CTAGE1: variants seen among roughly 807,000 people sequenced by gnomAD.
CTAGE1 encodes cutaneous T cell lymphoma-associated antigen 1, also known as cTAGE family member 2.
For missense variants in CTAGE1, 963 were observed against 855.9 expected (o/e 1.13, Z -1.56); for synonymous variants, 332 against 302.8 (o/e 1.10, Z -1.00).
Position 22,415,506 on chromosome 18 carries a change from C to T in CTAGE1, c.*68G>A, listed in dbSNP as rs561341105. On this transcript the variant is annotated 3_prime_UTR_variant, in exon 1 of 1. Coordinates refer to ENST00000391403, the MANE Select transcript of CTAGE1 (RefSeq NM_172241.3). ...AACATGTTGTTAGGTTTCTTGCTGTCGTTCTGGATGTTCAGCAGCAGGCTC... is the reference window on the plus strand; with the variant it reads ...AACATGTTGTTAGGTTTCTTGCTGTTGTTCTGGATGTTCAGCAGCAGGCTC... 3 of 1,289,848 alleles carry T rather than the reference C, an allele frequency of 2.3e-6. No individual in the cohort carries two copies. Among genetic ancestry groups the T allele is most frequent in the African/African-American group, 1.5e-5 (1 of 67,002 alleles). The allele number at this position is 1,289,848 out of a possible 1,614,324, so 79.9% of individuals were successfully genotyped here. A position where few individuals can be genotyped will look rare whatever the true frequency, so the allele number is the denominator to read the frequency against.
At position 22,416,761 on chromosome 18, in the gene CTAGE1, T is replaced by C. The variant is rs370267319; in HGVS notation, c.1051A>G (p.Lys351Glu). The C allele has an allele frequency of 3.1e-6, 5 of 1,612,506 alleles. No individual in the cohort carries two copies. Among genetic ancestry groups the C allele is most frequent in the Non-Finnish European group, 4.2e-6 (5 of 1,179,740 alleles). The change falls in exon 1 of 1, where the codon AAA becomes GAA. Residue 351 changes from lysine (K) to glutamate (E), a missense_variant. Coordinates refer to ENST00000391403, the MANE Select transcript of CTAGE1 (RefSeq NM_172241.3). ...FESENQKLQQ[K>E]LKVMTELYQE... ...TATAATTCAGTCATTACTTTAAGTT[T>C]CTGCTGAAGCTTCTGATTCTCACTT...
chr18:22,417,681 C>G lies in CTAGE1; in HGVS notation c.131G>C (p.Arg44Thr). The stretch of plus-strand genomic sequence containing the variant: ...AAGTGCCACAGCAAACTTTTTCTCT[C>G]TTCTCACATAAAGCCGACTCGTAAC... ...RSVTSRLYVR[R>T]EKKFAVALSG... The change falls in exon 1 of 1, where the codon AGA (arginine) becomes ACA (threonine). Residue 44 changes from arginine to threonine, a missense_variant. Physicochemically the swap from Arg to Thr is moderately conservative, Grantham distance 71. Coordinates refer to ENST00000391403, the MANE Select transcript of CTAGE1 (RefSeq NM_172241.3). The G allele has an allele frequency of 6.2e-7, 1 of 1,614,072 alleles. No homozygotes were observed. Among genetic ancestry groups the G allele is most frequent in the Non-Finnish European group, 8.5e-7 (1 of 1,179,922 alleles).
rs553263175 is a variant in CTAGE1 at position 22,416,013 on chromosome 18, C to T, written c.1799G>A (p.Cys600Tyr). 6.2e-7 allele frequency: 1 copy of T among 1,613,922 alleles called. No homozygotes were observed. The part of the protein sequence containing the change: ...PQRQDRFYSN[C>Y]ARLSGPAELR... ...TTCTGCTGGTCCAGAGAGTCTAGCA[C>T]AATTAGAATAAAATCTGTCTTGCCT... is the stretch of plus-strand genomic sequence containing the variant. The change falls in exon 1 of 1, where the codon TGT becomes TAT. Residue 600 changes from cysteine (C) to tyrosine (Y), a missense_variant. Cys to Tyr is a radical substitution (Grantham distance 194). Coordinates refer to ENST00000391403, the MANE Select transcript of CTAGE1 (RefSeq NM_172241.3).
rs770209006 is a variant in CTAGE1 at position 22,417,541 on chromosome 18, C to T, written c.271G>A (p.Ala91Thr). Reference protein sequence around the residue: ...SLKNASFEKEATEAQSLEATC... With the variant: ...SLKNASFEKETTEAQSLEATC... ...GCCTCCAAACTTTGTGCTTCTGTTG[C>T]CTCCTTCTCAAAGCTGGCATTCTTT... The change falls in exon 1 of 1, where the codon GCA becomes ACA. Residue 91 changes from alanine (A) to threonine (T), a missense_variant. Ala to Thr is a moderately conservative substitution (Grantham distance 58). Transcript: ENST00000391403. 1 of 1,613,820 alleles carries T rather than the reference C, an allele frequency of 6.2e-7. No individual in the cohort carries two copies. The highest frequency in any genetic ancestry group is 8.5e-7 in the Non-Finnish European group (1 of 1,179,874).
In CTAGE1 at chr18:22,417,415, T is replaced by C. The variant is rs747386412; in HGVS notation, c.397A>G (p.Asn133Asp). Residue 133 changes from asparagine to aspartate, a missense_variant, in exon 1 of 1, where the codon AAT (asparagine) becomes GAT (aspartate). Transcript: ENST00000391403. The stretch of plus-strand genomic sequence containing the variant: ...TTGGAAATATCCGCCATCAATTCAT[T>C]TTGTTCAGAATGTTTAGATTTCTCT... ...KEEKSKHSEQ[N>D]ELMADISKRI... The C allele has an allele frequency of 1.9e-6, 3 of 1,613,996 alleles. No homozygotes were observed. Among genetic ancestry groups the C allele is most frequent in the African/African-American group, 2.7e-5 (2 of 75,062 alleles).
In CTAGE1 at chr18:22,415,643, A is replaced by T. The variant is rs772756882; in HGVS notation, c.2169T>A (p.Tyr723Ter). The T allele has an allele frequency of 1.2e-6, 2 of 1,614,158 alleles. No homozygotes were observed. The highest frequency in any genetic ancestry group is 3.3e-5 in the Admixed American group (2 of 60,004). ...PRAPFAMRNV[Y>*]LPRGFLPYRP... ...GGTAAGGAAGAAAACCTCTCGGTAA[A>T]TAGACATTTCTCATTGCAAATGGAG... Residue 723 changes from tyrosine (Y) to a stop codon, truncating the protein, a stop_gained, in exon 1 of 1, where the codon TAT becomes TAA. Coordinates refer to ENST00000391403, the MANE Select transcript of CTAGE1 (RefSeq NM_172241.3). LOFTEE classifies it low-confidence loss of function (END_TRUNC).
In CTAGE1 at chr18:22,416,526, G is replaced by A; in HGVS notation, c.1286C>T (p.Ala429Val). 1 of 1,613,078 alleles carries A rather than the reference G, an allele frequency of 6.2e-7. No homozygotes were observed. Among genetic ancestry groups the A allele is most frequent in the Non-Finnish European group, 8.5e-7 (1 of 1,179,680 alleles). The change falls in exon 1 of 1, where the codon GCA (alanine) becomes GTA (valine). Residue 429 changes from alanine to valine, a missense_variant. Ala to Val is a moderately conservative substitution (Grantham distance 64). Transcript: ENST00000391403. ...CCAAGCTGCCGACCAATTATCATGT[G>A]CTTTTTTCTCATGGAGAATAATCTT... ...QKKIILHEKK[A>V]HDNWSAAWTA...
rs1044586751 is a variant in CTAGE1, at chr18:22,415,249, A to G, written c.*325T>C. ...AGATTACATATATAAAGCTCCCACC[A>G]TTCTTTATATAATAGTGGATTAATC... On this transcript the variant is annotated 3_prime_UTR_variant, in exon 1 of 1. Transcript: ENST00000391403. The G allele has an allele frequency of 3.8e-6, 1 of 261,010 alleles. No homozygotes were observed. The highest frequency in any genetic ancestry group is 7.2e-6 in the Non-Finnish European group (1 of 139,638). 16.2% of individuals were successfully genotyped at this position (261,010 alleles called of 1,614,324 possible). A position where few individuals can be genotyped will look rare whatever the true frequency, so the allele number is the denominator to read the frequency against.
chr18:22,417,013 T>G lies in CTAGE1; in HGVS notation c.799A>C (p.Ser267Arg). The change falls in exon 1 of 1, where the codon AGT (serine) becomes CGT (arginine). Residue 267 changes from serine (S) to arginine (R), a missense_variant. Ser to Arg is a moderately radical substitution (Grantham distance 110). Coordinates refer to ENST00000391403, the MANE Select transcript of CTAGE1 (RefSeq NM_172241.3). ...DDDNLELEMN[S>R]ESEDGAYLDN... is the part of the protein sequence containing the mutation. ...AAGTAAGCACCATCTTCCGATTCACTGTTCATTTCTAATTCCAAGTTATCA... is the reference window on the plus strand; with the variant it reads ...AAGTAAGCACCATCTTCCGATTCACGGTTCATTTCTAATTCCAAGTTATCA... 6.2e-7 allele frequency: 1 copy of G among 1,614,066 alleles called. No homozygotes were observed. The highest frequency in any genetic ancestry group is 8.5e-7 in the Non-Finnish European group (1 of 1,179,914).
Position 22,414,878 on chromosome 18 carries a change from A to G in CTAGE1, c.*696T>C. On this transcript the variant is annotated 3_prime_UTR_variant, in exon 1 of 1. Transcript: ENST00000391403. Reference sequence around the variant, plus strand: ...ATAGGAAGAAATTAGCTTAGGGAAGACGAAGGGAAGGAAAGGGAGGGCGAA... The same window carrying G: ...ATAGGAAGAAATTAGCTTAGGGAAGGCGAAGGGAAGGAAAGGGAGGGCGAA... 1 of 688,022 alleles carries G rather than the reference A, an allele frequency of 1.5e-6. No homozygotes were observed. The highest frequency in any genetic ancestry group is 2.6e-6 in the Non-Finnish European group (1 of 380,134). The allele number at this position is 688,022 out of a possible 1,614,324, so 42.6% of individuals were successfully genotyped here.
rs775789770 is a variant in CTAGE1 at position 22,416,403 on chromosome 18, T to C, written c.1409A>G (p.Asp470Gly). Residue 470 changes from aspartate (D) to glycine (G), a missense_variant, in exon 1 of 1, where the codon GAT becomes GGT. Physicochemically the swap from Asp to Gly is moderately conservative, Grantham distance 94 (BLOSUM62 -1). Transcript: ENST00000391403. ...IEFKIKLLEK[D>G]PYGLDVPNTA... ...ATTTGGAACATCAAGTCCATAAGGA[T>C]CTTTTTCTAAAAGTTTTATTTTAAA... The C allele has an allele frequency of 2.5e-6, 4 of 1,613,728 alleles. No individual in the cohort carries two copies. The highest frequency in any genetic ancestry group is 2.2e-5 in the East Asian group (1 of 44,882).
At position 22,415,098 on chromosome 18, in the gene CTAGE1, T is replaced by G. The variant is rs538787681; in HGVS notation, c.*476A>C. On this transcript the variant is annotated 3_prime_UTR_variant, in exon 1 of 1. Coordinates refer to ENST00000391403, the MANE Select transcript of CTAGE1 (RefSeq NM_172241.3). ...TGTGCATATTTATATATTTCTTTTT[T>G]TAAATTTTTTAAATTTTTTTAATCA... 52 of 244,084 alleles carry G rather than the reference T, an allele frequency of 2.1e-4. No individual in the cohort carries two copies. In the South Asian group the frequency reaches 7.7e-3, roughly 36 times the overall value. 15.1% of individuals were successfully genotyped at this position (244,084 alleles called of 1,614,324 possible).
rs2034997470 is a variant in CTAGE1 at position 22,415,479 on chromosome 18, C to A, written c.*95G>T. 11 of 1,065,048 alleles carry A rather than the reference C, an allele frequency of 1.0e-5. No homozygotes were observed. The highest frequency in any genetic ancestry group is 4.6e-5 in the Admixed American group (2 of 43,108). The allele number at this position is 1,065,048 out of a possible 1,614,324, so 66.0% of individuals were successfully genotyped here. A position where few individuals can be genotyped will look rare whatever the true frequency, so the allele number is the denominator to read the frequency against. ...CAGTCAAAATTACTTTTGAAGAGGGCAAACATGTTGTTAGGTTTCTTGCTG... is the reference window on the plus strand; with the variant it reads ...CAGTCAAAATTACTTTTGAAGAGGGAAAACATGTTGTTAGGTTTCTTGCTG... On this transcript the variant is annotated 3_prime_UTR_variant, in exon 1 of 1. Transcript: ENST00000391403.
At position 22,414,664 on chromosome 18, in the gene CTAGE1, A is replaced by C; in HGVS notation, c.*910T>G. 1.4e-6 allele frequency: 1 copy of C among 702,602 alleles called. No individual in the cohort carries two copies. The highest frequency in any genetic ancestry group is 2.6e-6 in the Non-Finnish European group (1 of 384,944). The allele number at this position is 702,602 out of a possible 1,614,324, so 43.5% of individuals were successfully genotyped here. A position where few individuals can be genotyped will look rare whatever the true frequency, so the allele number is the denominator to read the frequency against. On this transcript the variant is annotated 3_prime_UTR_variant, in exon 1 of 1. Transcript: ENST00000391403. Reference sequence around the variant, plus strand: ...ATTTACTCCTTCCCCTTGCCACAGCAAGAGAAAAGCAGAACATAAAACTAA... The same window carrying C: ...ATTTACTCCTTCCCCTTGCCACAGCCAGAGAAAAGCAGAACATAAAACTAA...
At position 22,416,911 on chromosome 18, in the gene CTAGE1, C is replaced by T. The variant is rs770162854; in HGVS notation, c.901G>A (p.Gly301Arg). ...TGAATATAAATTTGGTTTCTTTCTC[C>T]TTCTAAGGTTTTTAAGGAAGCATTT... ...KLNASLKTLEGERNQIYIQLS... is the reference protein window; with the variant it reads ...KLNASLKTLERERNQIYIQLS... The change falls in exon 1 of 1, where the codon GGA (glycine) becomes AGA (arginine). Residue 301 changes from glycine (G) to arginine (R), a missense_variant. By Grantham distance (125) the Gly-to-Arg change is moderately radical (BLOSUM62 -2). Transcript: ENST00000391403. 1.2e-6 allele frequency: 2 copies of T among 1,613,830 alleles called. No individual in the cohort carries two copies. The highest frequency in any genetic ancestry group is 2.2e-5 in the South Asian group (2 of 91,052).
In CTAGE1 at chr18:22,414,119, C is replaced by T. The variant is rs887573432; in HGVS notation, c.*1455G>A. The T allele has an allele frequency of 2.0e-5, 3 of 152,032 alleles. No homozygotes were observed. Among genetic ancestry groups the T allele is most frequent in the African/African-American group, 7.3e-5 (3 of 41,376 alleles). 9.4% of individuals were successfully genotyped at this position (152,032 alleles called of 1,614,324 possible). A position where few individuals can be genotyped will look rare whatever the true frequency, so the allele number is the denominator to read the frequency against. On this transcript the variant is annotated 3_prime_UTR_variant, in exon 1 of 1. Coordinates refer to ENST00000391403, the MANE Select transcript of CTAGE1 (RefSeq NM_172241.3). ...TCTGATTAGAAGTTCTTCCTTGATACCTTGGATAAATAGTATTCAACAGTG... is the reference window on the plus strand; with the variant it reads ...TCTGATTAGAAGTTCTTCCTTGATATCTTGGATAAATAGTATTCAACAGTG...
In CTAGE1 at chr18:22,414,649, TC is replaced by T. The variant is rs1438789838; in HGVS notation, c.*924del. The T allele has an allele frequency of 4.3e-6, 3 of 702,052 alleles. No individual in the cohort carries two copies. The highest frequency in any genetic ancestry group is 1.7e-5 in the African/African-American group (1 of 57,204). 43.5% of individuals were successfully genotyped at this position (702,052 alleles called of 1,614,324 possible). A position where few individuals can be genotyped will look rare whatever the true frequency, so the allele number is the denominator to read the frequency against. The stretch of plus-strand genomic sequence containing the variant: ...TAAGCACTATCTTAGATTTACTCCT[TC>T]CCCTTGCCACAGCAAGAGAAAAGCA... On this transcript the variant is annotated 3_prime_UTR_variant, in exon 1 of 1. Transcript: ENST00000391403.
Position 22,417,545 on chromosome 18 carries a change from C to T in CTAGE1, c.267G>A (p.Lys89=), listed in dbSNP as rs749393418. ...ESSLKNASFE[K]EATEAQSLEA... ...CCAAACTTTGTGCTTCTGTTGCCTC[C>T]TTCTCAAAGCTGGCATTCTTTAAAG... The change falls in exon 1 of 1, where the codon AAG becomes AAA. Residue 89 remains lysine (K), a synonymous_variant. Coordinates refer to ENST00000391403, the MANE Select transcript of CTAGE1 (RefSeq NM_172241.3). The T allele has an allele frequency of 6.2e-7, 1 of 1,613,874 alleles. No individual in the cohort carries two copies. The highest frequency in any genetic ancestry group is 8.5e-7 in the Non-Finnish European group (1 of 1,179,870).
Position 22,414,604 on chromosome 18 carries a change from T to C in CTAGE1, c.*970A>G. 1.5e-6 allele frequency: 1 copy of C among 685,658 alleles called. No homozygotes were observed. Among genetic ancestry groups the C allele is most frequent in the Non-Finnish European group, 2.6e-6 (1 of 378,130 alleles). The allele number at this position is 685,658 out of a possible 1,614,324, so 42.5% of individuals were successfully genotyped here. A position where few individuals can be genotyped will look rare whatever the true frequency, so the allele number is the denominator to read the frequency against. On this transcript the variant is annotated 3_prime_UTR_variant, in exon 1 of 1. Transcript: ENST00000391403. ...CCAGAGAAGAGAGCTCAATCAGAGA[T>C]CAAATTCACCAACTGCAATTAAGCA...
Sources: gnomAD v4.1 joint callset for allele counts on GRCh38, gnomAD v4.1.1 for gene constraint, MANE v1.5 for transcripts, NCBI Gene and HGNC (gene_info 2026-07-23, HGNC 2026-07-21) for gene names.